The following PDE1A variants were observed in gnomAD, a reference collection of about 807,000 sequenced individuals.
PDE1A encodes the protein dual specificity calcium/calmodulin-dependent 3',5'-cyclic nucleotide phosphodiesterase 1A.
Under a neutral mutation model 61.7 loss-of-function variants are expected in PDE1A, and 35 were observed. The ratio of observed to expected loss-of-function variants is 0.57; its 90% confidence interval spans 0.43 to 0.75. The LOEUF is 0.75. PDE1A is among the 30% of genes least tolerant of loss of function. The pLI, the probability that PDE1A is intolerant of heterozygous loss-of-function variation, is 0.00. For missense variants in PDE1A, 597 were observed against 630.6 expected, an observed-to-expected ratio of 0.95 and a Z score of 0.57; for synonymous variants, 232 against 213.2, an observed-to-expected ratio of 1.09 and a Z score of -0.77.
chr2:182,353,362 T>A (rs1214885291), intron 1 of PDE1A, among the ~76,000 whole-genome samples: 1 of 152,204 alleles, frequency 6.6e-6, no homozygotes, highest in Non-Finnish European at 1.5e-5. Flanking sequence ...ACTTATTGAT[T>A]GCTCTAAATC....
At chr2:182,671,858 A>G in the PDE1A span, among the ~76,000 whole-genome samples, 1 of 151,702 alleles carries the variant, frequency 6.6e-6, no homozygotes, top group Non-Finnish European at 1.5e-5. Flanking sequence ...TGACCTCATG[A>G]TCTGCCCACC....
intron 1 of PDE1A, among the ~76,000 whole-genome samples, chr2:182,288,822 G>A (rs1413404079): frequency 1.3e-5 from 2 of 151,918 alleles, no homozygotes; most frequent in Non-Finnish European, 2.9e-5. Flanking sequence ...GAGTACAATC[G>A]AATATTAGAA....
At chr2:182,645,123 C>CTACA in the PDE1A span, among the ~76,000 whole-genome samples, 1 of 151,722 alleles carries the variant, frequency 6.6e-6, no homozygotes, top group Non-Finnish European at 1.5e-5. Context: ...GTAGCTGGGA[C>CTACA]TACAGGTGCC....
chr2:182,264,220 T>G (rs1329435287), intron 2 of PDE1A, 81 bp downstream of exon 2: 5 of 876,762 alleles, frequency 5.7e-6, no homozygotes, highest in Non-Finnish European at 8.9e-6. Flanking sequence ...AATTCCTGTT[T>G]GAGATAAAGG....
intron 1 of PDE1A, among the ~76,000 whole-genome samples, chr2:182,369,901 G>T (rs562540745): frequency 2.0e-5 from 3 of 152,200 alleles, no homozygotes; most frequent in Non-Finnish European, 4.4e-5. Context: ...TTGGCTGGGC[G>T]CAGTGGCTCA....
chr2:182,523,841 A>G (rs560338281), upstream of PDE1A, among the ~76,000 whole-genome samples: 13 of 152,234 alleles, frequency 8.5e-5, 1 homozygote, highest in South Asian at 2.7e-3. Context: ...TAGTCTTCCA[A>G]TGTAAAATTA....
At chr2:182,677,169 G>A in the PDE1A span, among the ~76,000 whole-genome samples, 2 of 152,140 alleles carry the variant, frequency 1.3e-5, no homozygotes, top group African/African-American at 2.4e-5. Context: ...AAACCCCATA[G>A]TCTTGGCCAA....
chr2:182,150,163 T>C (rs1690701787), intron 13 of PDE1A, among the ~76,000 whole-genome samples: 1 of 152,140 alleles, frequency 6.6e-6, no homozygotes, highest in Non-Finnish European at 1.5e-5. Context: ...ATACCATAAA[T>C]GTTGATGCGT....
chr2:182,610,309 A>G, the PDE1A span, among the ~76,000 whole-genome samples: 18 of 152,306 alleles, frequency 1.2e-4, no homozygotes, highest in Non-Finnish European at 1.8e-4. Context: ...TTTTGTACAC[A>G]TTAAGTCAAT....
At chr2:182,406,619 T>C (rs1413244961) in intron 1 of PDE1A, among the ~76,000 whole-genome samples, 2 of 152,068 alleles carry the variant, frequency 1.3e-5, no homozygotes, top group African/African-American at 2.4e-5. Flanking sequence ...GATATTGGAG[T>C]AGATCATTTT....
At chr2:182,288,837 T>C (rs138892043) in intron 1 of PDE1A, among the ~76,000 whole-genome samples, 6 of 152,190 alleles carry the variant, frequency 3.9e-5, no homozygotes, top group Admixed American at 2.6e-4. Flanking sequence ...TTAGAAATGA[T>C]GCACATTAGA....
the PDE1A span, among the ~76,000 whole-genome samples, chr2:182,595,720 G>T: frequency 6.6e-6 from 1 of 152,166 alleles, no homozygotes; most frequent in Non-Finnish European, 1.5e-5. Context: ...CTAAAATTCA[G>T]CTTTCTCTCG....
chr2:182,701,221 A>G, the PDE1A span, among the ~76,000 whole-genome samples: 1,376 of 151,084 alleles, frequency 9.1e-3, 15 homozygotes, highest in African/African-American at 0.03. Context: ...ATTTTTAGTA[A>G]AGACGGGGTT....
At chr2:182,632,377 A>G in the PDE1A span, among the ~76,000 whole-genome samples, 1 of 152,188 alleles carries the variant, frequency 6.6e-6, no homozygotes, top group South Asian at 2.1e-4. Flanking sequence ...CACCTGAGTA[A>G]ATGAAAGAAT....
chr2:182,570,176 A>T, the PDE1A span, among the ~76,000 whole-genome samples: 1 of 152,200 alleles, frequency 6.6e-6, no homozygotes, highest in African/African-American at 2.4e-5. Flanking sequence ...ATGTTAGTAA[A>T]AATCTGGAGC....
the PDE1A span, among the ~76,000 whole-genome samples, chr2:182,641,918 A>G: frequency 6.6e-6 from 1 of 152,210 alleles, no homozygotes; most frequent in Non-Finnish European, 1.5e-5. Flanking sequence ...CTATCTGCAC[A>G]CTTTTCTAAT....
At chr2:182,213,211 C>T (rs1250965983) in intron 7 of PDE1A, among the ~76,000 whole-genome samples, 2 of 149,446 alleles carry the variant, frequency 1.3e-5, no homozygotes, top group African/African-American at 4.9e-5. Flanking sequence ...AGGGTCCTGT[C>T]TGTTAGAAGG....
intron 1 of PDE1A, among the ~76,000 whole-genome samples, chr2:182,391,163 T>C (rs889773697): frequency 1.3e-5 from 2 of 152,036 alleles, no homozygotes; most frequent in Non-Finnish European, 2.9e-5. Context: ...GAATATAAAG[T>C]TGGTTCAGGT....
intron 1 of PDE1A, among the ~76,000 whole-genome samples, chr2:182,347,878 A>T (rs182162788): frequency 2.8e-4 from 42 of 152,310 alleles, no homozygotes; most frequent in African/African-American, 9.6e-4. Flanking sequence ...TGAAAATTAA[A>T]AAGGGTTTAT....
Sources: gnomAD v4.1 joint callset for allele counts (sites outside exome capture counted in the v4.1 genomes callset) on GRCh38, gnomAD v4.1.1 for gene constraint, MANE v1.5 for transcripts, NCBI Gene and HGNC (gene_info 2026-07-23, HGNC 2026-07-21) for gene names.